Variants in TGM6 observed in about 807,000 individuals in gnomAD.
TGM6 encodes the protein transglutaminase 6.
TGM6 carries 74 observed loss-of-function variants against 77.5 expected under a neutral mutation model. The observed-to-expected ratio is 0.96, with a 90% CI of 0.79 to 1.16. TGM6 has a LOEUF of 1.16. Among genes scored for constraint, TGM6 ranks in the 50% most tolerant of loss-of-function variants. The pLI is 0.00. For synonymous variants in TGM6, 383 were observed against 378.9 expected (o/e 1.01, Z -0.12); for missense variants, 968 against 940.2 (o/e 1.03, Z -0.39).
At position 2,421,311 on chromosome 20, in the gene TGM6, C is replaced by T. The variant is rs530171465; in HGVS notation, c.1678+3738C>T. Among the ~76,000 whole-genome samples the T allele has an allele frequency of 6.5e-4, 99 of 152,320 alleles. 1 individual carries two copies. Among genetic ancestry groups the T allele is most frequent in the African/African-American group, 2.2e-3 (92 of 41,566 alleles). On this transcript the variant is annotated intron_variant, in intron 10 of 12. Coordinates refer to ENST00000202625, the MANE Select transcript of TGM6 (RefSeq NM_198994.3). ...GAATTTTAAATTCTTTAGATAAATA[C>T]CAAGGAGCACACTTGCTGCACCTTA...
chr20:2,382,083 T>C (rs1346577620), intron 1 of TGM6, among the ~76,000 whole-genome samples: 1 of 152,244 alleles, frequency 6.6e-6, no homozygotes, highest in Admixed American at 6.5e-5. Flanking sequence ...TCTGAGTCTG[T>C]GTCTGCCAGT....
chr20:2,421,445 A>G (rs955221399), intron 10 of TGM6, among the ~76,000 whole-genome samples: 4 of 152,356 alleles, frequency 2.6e-5, no homozygotes, highest in East Asian at 3.9e-4. Flanking sequence ...TCCCTATTCT[A>G]TCCAGCAGAT....
At chr20:2,423,266 G>T (rs2084868369) in intron 10 of TGM6, among the ~76,000 whole-genome samples, 1 of 150,422 alleles carries the variant, frequency 6.6e-6, no homozygotes, top group African/African-American at 2.4e-5. Flanking sequence ...TTTCTCTGTA[G>T]TATGCGATGG....
At chr20:2,393,670 AC>A (rs1417246015) in intron 1 of TGM6, among the ~76,000 whole-genome samples, 2 of 151,770 alleles carry the variant, frequency 1.3e-5, no homozygotes, top group Non-Finnish European at 2.9e-5. Flanking sequence ...GATTACAGGC[AC>A]CCGCCACCAC....
intron 5 of TGM6, 102 bp from the exon 6 acceptor site, chr20:2,399,459 C>G (rs371529324): frequency 7.8e-6 from 12 of 1,545,642 alleles, no homozygotes; most frequent in Non-Finnish European, 1.1e-5. Context: ...AGAGTGACCC[C>G]GATGGACCTG....
intron 9 of TGM6, among the ~76,000 whole-genome samples, chr20:2,415,974 GACA>G (rs903917405): frequency 6.6e-6 from 1 of 152,168 alleles, no homozygotes; most frequent in South Asian, 2.1e-4. Context: ...GAAGACCATG[GACA>G]ACAAGAGAGT....
At chr20:2,392,832 G>A (rs553501967) in intron 1 of TGM6, among the ~76,000 whole-genome samples, 98 of 152,326 alleles carry the variant, frequency 6.4e-4, no homozygotes, top group African/African-American at 2.4e-3. Context: ...GAGCCTGGGA[G>A]GCAGAGATTG....
intron 9 of TGM6, among the ~76,000 whole-genome samples, chr20:2,415,091 C>G (rs1393134328): frequency 2.6e-5 from 4 of 152,058 alleles, no homozygotes; most frequent in African/African-American, 9.7e-5. Context: ...ATCAGGTGGT[C>G]AGAGAAGGCC....
intron 9 of TGM6, among the ~76,000 whole-genome samples, chr20:2,414,852 A>C (rs1199228631): frequency 7.1e-6 from 1 of 140,838 alleles, no homozygotes; most frequent in Admixed American, 7.4e-5. Context: ...GGATAGGCAA[A>C]TTATGAATTA....
At chr20:2,426,197 T>C (rs1404799894) in intron 10 of TGM6, among the ~76,000 whole-genome samples, 1 of 152,196 alleles carries the variant, frequency 6.6e-6, no homozygotes, top group Non-Finnish European at 1.5e-5. Flanking sequence ...TTACAGTTCT[T>C]CTTGTGTAGA....
At chr20:2,382,409 C>T (rs1490467741) in intron 1 of TGM6, among the ~76,000 whole-genome samples, 1 of 152,178 alleles carries the variant, frequency 6.6e-6, no homozygotes, top group African/African-American at 2.4e-5. Context: ...CCTAGATGAT[C>T]CCTCTTCCCT....
chr20:2,384,738 G>T (rs764231269), intron 1 of TGM6, among the ~76,000 whole-genome samples: 1 of 152,164 alleles, frequency 6.6e-6, no homozygotes, highest in African/African-American at 2.4e-5. Flanking sequence ...GAAAGGAAGC[G>T]CTGAGAAGAC....
At chr20:2,418,885 G>T (rs192922555) in intron 10 of TGM6, among the ~76,000 whole-genome samples, 1 of 152,118 alleles carries the variant, frequency 6.6e-6, no homozygotes, top group Admixed American at 6.5e-5. Flanking sequence ...AACCATCCTG[G>T]CTAACACAGT....
At chr20:2,426,650 T>A (rs904840405) in intron 10 of TGM6, among the ~76,000 whole-genome samples, 1 of 152,116 alleles carries the variant, frequency 6.6e-6, no homozygotes, top group Non-Finnish European at 1.5e-5. Context: ...TTGCTGTAGG[T>A]TTTTTGTAGA....
At chr20:2,407,191 G>A (rs1030174193) in intron 9 of TGM6, among the ~76,000 whole-genome samples, 5 of 152,214 alleles carry the variant, frequency 3.3e-5, no homozygotes, top group African/African-American at 1.2e-4. Context: ...ATTGTCTACT[G>A]TTTATTGACT....
At chr20:2,389,763 C>T (rs1018702826) in intron 1 of TGM6, among the ~76,000 whole-genome samples, 1 of 149,208 alleles carries the variant, frequency 6.7e-6, no homozygotes, top group Non-Finnish European at 1.5e-5. Flanking sequence ...GATCAGATGC[C>T]ATCCTGCGAC....
At chr20:2,432,268 G>A (rs988165926) in intron 12 of TGM6, among the ~76,000 whole-genome samples, 4 of 152,022 alleles carry the variant, frequency 2.6e-5, no homozygotes, top group South Asian at 2.1e-4. Flanking sequence ...GGCTGGTCTC[G>A]AACTCCTGAC....
At chr20:2,381,556 A>T in intron 1 of TGM6, among the ~76,000 whole-genome samples, 1 of 152,186 alleles carries the variant, frequency 6.6e-6, no homozygotes, top group East Asian at 1.9e-4. Context: ...TGCTGTGAGG[A>T]GTTGGTGAGA....
intron 1 of TGM6, among the ~76,000 whole-genome samples, chr20:2,385,683 G>A (rs925698006): frequency 1.3e-5 from 2 of 152,292 alleles, no homozygotes; most frequent in South Asian, 2.1e-4. Flanking sequence ...GTGGGGTGTG[G>A]ACAGTCGGAG....
Sources: gnomAD v4.1 joint callset for allele counts (sites outside exome capture counted in the v4.1 genomes callset) on GRCh38, gnomAD v4.1.1 for gene constraint, MANE v1.5 for transcripts, NCBI Gene and HGNC (gene_info 2026-07-23, HGNC 2026-07-21) for gene names.